ADNP2: variants seen among roughly 807,000 people sequenced by gnomAD.
The protein encoded by ADNP2 is ADNP homeobox 2.
In ADNP2, 8 loss-of-function variants were observed where a neutral mutation model predicts 16.4. The ratio of observed to expected loss-of-function variants is 0.49; its 90% CI spans 0.29 to 0.88. The LOEUF is 0.88. ADNP2 is among the 40% of genes least tolerant of loss of function. ADNP2 has a pLI of 0.09. For missense variants in ADNP2, 1,397 were observed against 1,395.1 expected, an observed-to-expected ratio of 1.00 and a Z score of -0.02; for synonymous variants, 637 against 545.8, an observed-to-expected ratio of 1.17 and a Z score of -2.33.
At chr18:80,124,495 G>A (rs539567138) in intron 2 of ADNP2, among the ~76,000 whole-genome samples, 3 of 152,238 alleles carry the variant, frequency 2.0e-5, no homozygotes, top group Admixed American at 2.0e-4. Flanking sequence ...AGATACATAG[G>A]GCAAGGTATA....
In ADNP2 at chr18:80,137,474, C is replaced by T. The variant is rs1315137098; in HGVS notation, c.2061C>T (p.Leu687=). Reference sequence around the variant, plus strand: ...CTGCAGCAGACACAAACCAGGTGCTCAAACAGGCCAAGCAGTGGAAGACCT... The same window carrying T: ...CTGCAGCAGACACAAACCAGGTGCTTAAACAGGCCAAGCAGTGGAAGACCT... The part of the protein sequence containing the change: ...SSSAADTNQV[L]KQAKQWKTCP... Residue 687 remains leucine, a synonymous_variant, in exon 4 of 4, where the codon CTC becomes CTT. Coordinates refer to ENST00000262198, the MANE Select transcript of ADNP2 (RefSeq NM_014913.4). The surrounding 1 kb of genome is among the most constrained non-coding windows in gnomAD (Gnocchi z 4.2). 1.2e-6 allele frequency: 2 copies of T among 1,614,106 alleles called. No individual in the cohort carries two copies. The highest frequency in any genetic ancestry group is 1.3e-5 in the African/African-American group (1 of 74,936).
chr18:80,138,563 T>G lies in ADNP2; in HGVS notation c.3150T>G (p.Ser1050=). 2 of 1,610,498 alleles carry G rather than the reference T, an allele frequency of 1.2e-6. No individual in the cohort carries two copies. The highest frequency in any genetic ancestry group is 1.7e-6 in the Non-Finnish European group (2 of 1,179,254). Residue 1050 remains serine, a synonymous_variant, in exon 4 of 4, where the codon TCT becomes TCG. Coordinates refer to ENST00000262198, the MANE Select transcript of ADNP2 (RefSeq NM_014913.4). The part of the protein sequence containing the change: ...ALDPKKYEGR[S]YEEKKQFLKD... ...ATCCTAAAAAATATGAAGGCCGTTC[T>G]TATGAAGAAAAGAAGCAATTTCTTA...
intron 3 of ADNP2, among the ~76,000 whole-genome samples, chr18:80,134,014 A>G (rs2052515286): frequency 1.3e-5 from 2 of 151,662 alleles, no homozygotes; most frequent in Admixed American, 6.6e-5. Context: ...TTTTATTTTT[A>G]TTTTTTGTAG....
At chr18:80,120,107 G>C (rs567788303) in intron 2 of ADNP2, among the ~76,000 whole-genome samples, 2 of 152,312 alleles carry the variant, frequency 1.3e-5, no homozygotes, top group South Asian at 4.1e-4. Flanking sequence ...ACCTGGCCCT[G>C]GAAAGGGTAA....
chr18:80,112,377 G>A, intron 1 of ADNP2, among the ~76,000 whole-genome samples: 1 of 151,532 alleles, frequency 6.6e-6, no homozygotes, highest in African/African-American at 2.4e-5. Context: ...TAATTTACTT[G>A]CATTTTATTT....
chr18:80,137,434 T>A lies in ADNP2; in HGVS notation c.2021T>A (p.Val674Asp). ...VLVNAAQSVFVQASSSAADTN... is the reference protein window; with the variant it reads ...VLVNAAQSVFDQASSSAADTN... Reference sequence around the variant, plus strand: ...GTGAATGCTGCTCAGAGCGTGTTTGTTCAGGCCTCCTCCTCTGCAGCAGAC... The same window carrying A: ...GTGAATGCTGCTCAGAGCGTGTTTGATCAGGCCTCCTCCTCTGCAGCAGAC... The change falls in exon 4 of 4, where the codon GTT (valine) becomes GAT (aspartate). Residue 674 changes from valine (V) to aspartate (D), a missense_variant. Coordinates refer to ENST00000262198, the MANE Select transcript of ADNP2 (RefSeq NM_014913.4). This position sits in a 1 kb window ranked among gnomAD's most constrained non-coding sequence, Gnocchi z 4.2. 1 of 1,614,202 alleles carries A rather than the reference T, an allele frequency of 6.2e-7. No individual in the cohort carries two copies. The highest frequency in any genetic ancestry group is 8.5e-7 in the Non-Finnish European group (1 of 1,180,032).
At chr18:80,133,804 A>T (rs1212888099) in intron 3 of ADNP2, 1 of 152,686 alleles carries the variant, frequency 6.5e-6, no homozygotes, top group African/African-American at 2.4e-5. Flanking sequence ...TTTGGGCTTT[A>T]AGGTATTTCA....
At chr18:80,132,615 C>CTT (rs1555730123) in intron 2 of ADNP2, among the ~76,000 whole-genome samples, 1 of 151,596 alleles carries the variant, frequency 6.6e-6, no homozygotes, top group African/African-American at 2.4e-5. Context: ...TTCTCTTTCT[C>CTT]TTTCTTTTTT....
chr18:80,138,259 T>A lies in ADNP2; in HGVS notation c.2846T>A (p.Leu949Gln). 6.2e-7 allele frequency: 1 copy of A among 1,614,154 alleles called. No individual in the cohort carries two copies. The highest frequency in any genetic ancestry group is 8.5e-7 in the Non-Finnish European group (1 of 1,180,046). Residue 949 changes from leucine to glutamine, a missense_variant, in exon 4 of 4, where the codon CTG becomes CAG. Physicochemically the swap from Leu to Gln is moderately radical, Grantham distance 113 (BLOSUM62 -2). Coordinates refer to ENST00000262198, the MANE Select transcript of ADNP2 (RefSeq NM_014913.4). ...RSAPKDSSSD[L>Q]QAQPGFIHNS... is the part of the protein sequence containing the mutation. ...GCTCCCAAGGACAGCAGCTCAGACC[T>A]GCAGGCCCAGCCGGGTTTTATTCAC...
chr18:80,113,108 G>C (rs982047881), intron 1 of ADNP2, among the ~76,000 whole-genome samples: 5 of 152,200 alleles, frequency 3.3e-5, no homozygotes, highest in Non-Finnish European at 5.9e-5. Context: ...AATGCATAAT[G>C]AGGTTATGGC....
rs533895348 is a variant in ADNP2 at position 80,117,374 on chromosome 18, C to T, written c.-13-156C>T. ...TTTGTATATGGTGTAAGGAAGAGGTCAACCTCATTCATTTGCATATGAATG... is the reference window on the plus strand; with the variant it reads ...TTTGTATATGGTGTAAGGAAGAGGTTAACCTCATTCATTTGCATATGAATG... On this transcript the variant is annotated intron_variant, in intron 1 of 3. Coordinates refer to ENST00000262198, the MANE Select transcript of ADNP2 (RefSeq NM_014913.4). Among the ~76,000 whole-genome samples, 6 of 152,280 alleles carry T rather than the reference C, an allele frequency of 3.9e-5. No homozygotes were observed. The South Asian group carries it at 1.0e-3, about 26-fold the overall frequency.
chr18:80,124,890 A>G (rs777039493), intron 2 of ADNP2, among the ~76,000 whole-genome samples: 7 of 152,176 alleles, frequency 4.6e-5, no homozygotes, highest in Non-Finnish European at 8.8e-5. Flanking sequence ...TAATTTTTCT[A>G]TAAAAACTTC....
rs776263502 is a variant in ADNP2 at position 80,136,769 on chromosome 18, C to T, written c.1356C>T (p.Gly452=). The stretch of plus-strand genomic sequence containing the variant: ...TCCCGTCTGGAGTCCTTCCTGCAGG[C>T]CAGATGACTCCTGCAGGCCAGATGA... ...RAVPSGVLPA[G]QMTPAGQMTP... Residue 452 remains glycine (G), a synonymous_variant, in exon 4 of 4, where the codon GGC becomes GGT. Transcript: ENST00000262198. 1.3e-6 allele frequency: 2 copies of T among 1,597,648 alleles called. No homozygotes were observed. The highest frequency in any genetic ancestry group is 1.7e-6 in the Non-Finnish European group (2 of 1,169,796).
At chr18:80,110,338 G>T (rs560513862) in intron 1 of ADNP2, among the ~76,000 whole-genome samples, 2 of 152,300 alleles carry the variant, frequency 1.3e-5, no homozygotes, top group South Asian at 2.1e-4. Context: ...CAGAAGACTT[G>T]CCTGCGTGCT....
At position 80,137,483 on chromosome 18, in the gene ADNP2, C is replaced by G. The variant is rs1234766599; in HGVS notation, c.2070C>G (p.Ala690=). ...AADTNQVLKQ[A]KQWKTCPVCN... ...ACACAAACCAGGTGCTCAAACAGGC[C>G]AAGCAGTGGAAGACCTGCCCTGTCT... Residue 690 remains alanine (A), a synonymous_variant, in exon 4 of 4, where the codon GCC becomes GCG. Transcript: ENST00000262198. The surrounding 1 kb of genome is among the most constrained non-coding windows in gnomAD (Gnocchi z 4.2). The G allele has an allele frequency of 6.2e-7, 1 of 1,614,228 alleles. No individual in the cohort carries two copies. The highest frequency in any genetic ancestry group is 1.1e-5 in the South Asian group (1 of 91,088).
intron 2 of ADNP2, among the ~76,000 whole-genome samples, chr18:80,130,523 GAA>G (rs1187974181): frequency 6.6e-6 from 1 of 152,192 alleles, no homozygotes; most frequent in Non-Finnish European, 1.5e-5. Flanking sequence ...TCAACTCAGA[GAA>G]AAAGAAGAAA....
At chr18:80,111,589 C>T (rs2052357542) in intron 1 of ADNP2, among the ~76,000 whole-genome samples, 1 of 135,688 alleles carries the variant, frequency 7.4e-6, no homozygotes, top group East Asian at 2.1e-4. Flanking sequence ...TTTTTTGAGA[C>T]GGAGTTTTGC....
At chr18:80,128,271 T>C (rs1188997748) in intron 2 of ADNP2, among the ~76,000 whole-genome samples, 4 of 152,262 alleles carry the variant, frequency 2.6e-5, no homozygotes, top group African/African-American at 9.6e-5. Context: ...GTTTGCTCTT[T>C]GTTGGAATCA....
At chr18:80,129,111 T>G (rs927935437) in intron 2 of ADNP2, among the ~76,000 whole-genome samples, 11 of 141,322 alleles carry the variant, frequency 7.8e-5, no homozygotes, top group Non-Finnish European at 1.5e-4. Context: ...TTTTGTTTTT[T>G]TTTTTTTTTT....
Sources: gnomAD v4.1 joint callset for allele counts (sites outside exome capture counted in the v4.1 genomes callset) on GRCh38, gnomAD v4.1.1 for gene constraint, Gnocchi (gnomAD v3.1) non-coding constraint, MANE v1.5 for transcripts, NCBI Gene and HGNC (gene_info 2026-07-23, HGNC 2026-07-21) for gene names.